SLFN14: variants seen among roughly 807,000 people sequenced by gnomAD.
SLFN14 encodes schlafen family member 14.
Under a neutral mutation model 58.6 loss-of-function variants are expected in SLFN14, and 47 were observed. The ratio of observed to expected loss-of-function variants is 0.80; its 90% CI spans 0.64 to 1.02. The LOEUF is 1.02. Among genes scored for constraint, SLFN14 ranks in the 50% least tolerant of loss-of-function variants. The pLI is 0.00. For missense variants in SLFN14, 967 were observed against 1,078.4 expected (o/e 0.90, Z 1.45); for synonymous variants, 390 against 387.3 (o/e 1.01, Z -0.08).
chr17:35,552,152 C>T (rs1258479334), intron 5 of SLFN14, among the ~76,000 whole-genome samples: 1 of 152,194 alleles, frequency 6.6e-6, no homozygotes, highest in African/African-American at 2.4e-5. Flanking sequence ...GGCACCCCTC[C>T]CGAGGAAATC....
intron 3 of SLFN14, 97 bp from the exon 4 acceptor site, chr17:35,554,801 T>C: frequency 9.3e-7 from 1 of 1,078,136 alleles, no homozygotes; most frequent in Non-Finnish European, 1.2e-6. Flanking sequence ...ACTGGAGACC[T>C]GTGATGTGCA....
chr17:35,551,202 G>A (rs539908613), intron 5 of SLFN14, among the ~76,000 whole-genome samples: 2 of 152,282 alleles, frequency 1.3e-5, no homozygotes, highest in East Asian at 3.9e-4. Flanking sequence ...TGCAACTAAG[G>A]CACTGCAAAA....
In SLFN14 at chr17:35,544,240, T is replaced by C. The variant is rs1386782863; in HGVS notation, c.*3999A>G. Among the ~76,000 whole-genome samples, 2 of 152,176 alleles carry C rather than the reference T, an allele frequency of 1.3e-5. No individual in the cohort carries two copies. Among genetic ancestry groups the C allele is most frequent in the South Asian group, 4.1e-4 (2 of 4,826 alleles). On this transcript the variant is annotated 3_prime_UTR_variant, in exon 6 of 6. Coordinates refer to ENST00000674182, the MANE Select transcript of SLFN14 (RefSeq NM_001129820.2). The stretch of plus-strand genomic sequence containing the variant: ...ACATCAGAACTACTAACATTCCAAG[T>C]CACATGACCAAGGCCACATTACAGG...
intron 2 of SLFN14, among the ~76,000 whole-genome samples, chr17:35,558,941 T>C (rs1250592152): frequency 6.6e-6 from 1 of 152,120 alleles, no homozygotes; most frequent in Non-Finnish European, 1.5e-5. Context: ...CTGGGTGTGG[T>C]AGCTCACATG....
rs758428017 is a variant in SLFN14 at position 35,557,452 on chromosome 17, A to T, written c.611T>A (p.Phe204Tyr). ...DKLMYKEKLN[F>Y]TESTHVEFKR... Reference sequence around the variant, plus strand: ...AAATTCAACATGTGTTGACTCAGTAAAGTTGAGTTTCTCCTTATACATGAG... The same window carrying T: ...AAATTCAACATGTGTTGACTCAGTATAGTTGAGTTTCTCCTTATACATGAG... Residue 204 changes from phenylalanine (F) to tyrosine (Y), a missense_variant, in exon 3 of 6, where the codon TTT (phenylalanine) becomes TAT (tyrosine). Coordinates refer to ENST00000674182, the MANE Select transcript of SLFN14 (RefSeq NM_001129820.2). The T allele has an allele frequency of 8.1e-5, 125 of 1,551,512 alleles. No individual in the cohort carries two copies. Among genetic ancestry groups the T allele is most frequent in the Non-Finnish European group, 1.0e-4 (120 of 1,146,982 alleles).
chr17:35,557,090 C>G lies in SLFN14; in HGVS notation c.973G>C (p.Ala325Pro), dbSNP rs904619027. 1 of 1,551,652 alleles carries G rather than the reference C, an allele frequency of 6.4e-7. No homozygotes were observed. Among genetic ancestry groups the G allele is most frequent in the Non-Finnish European group, 8.7e-7 (1 of 1,146,986 alleles). The change falls in exon 3 of 6, where the codon GCC becomes CCC. Residue 325 changes from alanine to proline, a missense_variant. Physicochemically the swap from Ala to Pro is conservative, Grantham distance 27 (BLOSUM62 -1). Transcript: ENST00000674182. The stretch of plus-strand genomic sequence containing the variant: ...TCTTTCATGATCCAGGAATCTGGGG[C>G]CTCTGCAAACACCACGCAACAGAAG... ...EPFCCVVFAE[A>P]PDSWIMKDNS...
In SLFN14 at chr17:35,557,661, A is replaced by T. The variant is rs1276416532; in HGVS notation, c.402T>A (p.Asp134Glu). 6.4e-7 allele frequency: 1 copy of T among 1,551,734 alleles called. No homozygotes were observed. The highest frequency in any genetic ancestry group is 1.4e-5 in the African/African-American group (1 of 73,178). The change falls in exon 3 of 6, where the codon GAT becomes GAA. Residue 134 changes from aspartate to glutamate, a missense_variant. Coordinates refer to ENST00000674182, the MANE Select transcript of SLFN14 (RefSeq NM_001129820.2). Reference sequence around the variant, plus strand: ...CACTCAAGTTGATAGCAGAAGTCACATCTCTCCGATACAAATTGGAGCGCA... The same window carrying T: ...CACTCAAGTTGATAGCAGAAGTCACTTCTCTCCGATACAAATTGGAGCGCA... ...CSLRSNLYRR[D>E]VTSAINLSAS...
In SLFN14 at chr17:35,553,177, C is replaced by A; in HGVS notation, c.1457G>T (p.Arg486Leu). Residue 486 changes from arginine to leucine, a missense_variant, in exon 5 of 6, where the codon CGA (arginine) becomes CTA (leucine). Transcript: ENST00000674182. Reference sequence around the variant, plus strand: ...CTGCTTTAACTGATGAGCTGTGTTTCGGGCATATTCAAGTCCTCCAGGCCA... The same window carrying A: ...CTGCTTTAACTGATGAGCTGTGTTTAGGGCATATTCAAGTCCTCCAGGCCA... ...PNWPGGLEYARNTAHQLKQKL... is the reference protein window; with the variant it reads ...PNWPGGLEYALNTAHQLKQKL... 1 of 1,551,616 alleles carries A rather than the reference C, an allele frequency of 6.4e-7. No homozygotes were observed. The highest frequency in any genetic ancestry group is 8.7e-7 in the Non-Finnish European group (1 of 1,146,956).
intron 5 of SLFN14, among the ~76,000 whole-genome samples, 197 bp from the exon 6 acceptor site, chr17:35,549,270 G>A (rs1300915030): frequency 6.6e-6 from 1 of 152,148 alleles, no homozygotes; most frequent in Non-Finnish European, 1.5e-5. Flanking sequence ...CTTGCTCTTT[G>A]GGGTTATCCA....
chr17:35,554,262 G>C (rs1331055436), intron 4 of SLFN14, among the ~76,000 whole-genome samples: 1 of 148,788 alleles, frequency 6.7e-6, no homozygotes, highest in East Asian at 2.0e-4. Context: ...GTAATAGTGG[G>C]AATCAGATGA....
intron 5 of SLFN14, among the ~76,000 whole-genome samples, chr17:35,551,367 T>C (rs1435542107): frequency 6.6e-6 from 1 of 152,246 alleles, no homozygotes; most frequent in Admixed American, 6.5e-5. Context: ...TTTTTGTCTG[T>C]GGTACCTCAG....
At chr17:35,554,293 T>C (rs2072627282) in intron 4 of SLFN14, among the ~76,000 whole-genome samples, 1 of 147,716 alleles carries the variant, frequency 6.8e-6, no homozygotes, top group African/African-American at 2.5e-5. Context: ...GGGTCAGATA[T>C]ATAGATATAT....
At chr17:35,552,707 T>C (rs1450413343) in intron 5 of SLFN14, 23 bp downstream of exon 5, 1 of 1,487,496 alleles carries the variant, frequency 6.7e-7, no homozygotes, top group Non-Finnish European at 9.1e-7. Flanking sequence ...TTTTTGTGTG[T>C]GTGTAGTTGG....
chr17:35,558,619 G>T, intron 2 of SLFN14, among the ~76,000 whole-genome samples: 1 of 152,016 alleles, frequency 6.6e-6, no homozygotes, highest in East Asian at 1.9e-4. Context: ...CCTTAGCCTT[G>T]CCAGAATAAG....
chr17:35,555,511 C>G (rs575056118), intron 3 of SLFN14, among the ~76,000 whole-genome samples: 3 of 151,432 alleles, frequency 2.0e-5, no homozygotes, highest in South Asian at 2.1e-4. Context: ...GAGATCGTGC[C>G]GCTGCACTCC....
Position 35,557,331 on chromosome 17 carries a change from G to A in SLFN14, c.732C>T (p.Leu244=). 1 of 1,551,654 alleles carries A rather than the reference G, an allele frequency of 6.4e-7. No individual in the cohort carries two copies. Among genetic ancestry groups the A allele is most frequent in the Non-Finnish European group, 8.7e-7 (1 of 1,146,982 alleles). The change falls in exon 3 of 6, where the codon CTC becomes CTT. Residue 244 remains leucine (L), a synonymous_variant. Transcript: ENST00000674182. ...AFANTQGGYV[L]IGVDDKSKEV... ...CTTTGCTCTTATCATCCACCCCAAT[G>A]AGGACATATCCCCCTTGAGTGTTGG...
chr17:35,554,177 G>C (rs1012321523), intron 4 of SLFN14, among the ~76,000 whole-genome samples: 2 of 151,750 alleles, frequency 1.3e-5, no homozygotes, highest in African/African-American at 2.4e-5. Context: ...GTTGAGACCT[G>C]AGAAATTCCC....
intron 5 of SLFN14, 24 bp from the exon 6 acceptor site, chr17:35,549,097 C>T (rs1227338254): frequency 1.3e-6 from 2 of 1,526,792 alleles, no homozygotes; most frequent in Non-Finnish European, 1.8e-6. Flanking sequence ...AAAAACAGGG[C>T]TTGAGGCATA....
At chr17:35,555,072 G>A (rs982959213) in intron 3 of SLFN14, among the ~76,000 whole-genome samples, 3 of 152,040 alleles carry the variant, frequency 2.0e-5, no homozygotes, top group African/African-American at 7.2e-5. Context: ...TTAAAGCACA[G>A]TATTTTAAAA....
Sources: allele counts gnomAD v4.1 joint callset (sites outside exome capture counted in the v4.1 genomes callset), GRCh38; gene constraint gnomAD v4.1.1; transcripts MANE v1.5; gene names NCBI Gene and HGNC (gene_info 2026-07-23, HGNC 2026-07-21).